The following NSD2 variants were observed in gnomAD, a reference collection of about 807,000 sequenced individuals.
NSD2 encodes nuclear receptor binding SET domain protein 2.
In NSD2, 12 loss-of-function variants were observed where a neutral mutation model predicts 139.0. The ratio of observed to expected loss-of-function variants is 0.09; its 90% CI spans 0.06 to 0.14. The LOEUF is 0.14. Ranked by LOEUF, NSD2 falls within the 10% of genes least tolerant of loss-of-function variation. The pLI is 1.00. For missense variants in NSD2, 1,155 were observed against 1,745.0 expected (o/e 0.66, Z 6.02); for synonymous variants, 669 against 648.7 (o/e 1.03, Z -0.48).
chr4:1,972,271 G>C lies in NSD2; in HGVS notation c.3373-2592G>C, dbSNP rs1726574069. Among the ~76,000 whole-genome samples the C allele has an allele frequency of 6.6e-6, 1 of 152,200 alleles. No homozygotes were observed. The highest frequency in any genetic ancestry group is 2.4e-5 in the African/African-American group (1 of 41,444). ...AGTGTCACTGACGGACACAAGAGAT[G>C]ATATGGATGAGTGGCGGTACAGGCT... On this transcript the variant is annotated intron_variant, in intron 18 of 21. Coordinates refer to ENST00000508803, the MANE Select transcript of NSD2 (RefSeq NM_001042424.3). This position sits in a 1 kb window ranked among gnomAD's most constrained non-coding sequence, Gnocchi z 4.0.
At chr4:1,911,597 AAAAAAAAAAAG>A (rs1303935273) in intron 3 of NSD2, among the ~76,000 whole-genome samples, 30 of 148,206 alleles carry the variant, frequency 2.0e-4, no homozygotes, top group East Asian at 6.0e-4. Context: ...CAAAAAAAAA[AAAAAAAAAAAG>A]AAAAAAAAAA....
At chr4:1,875,531 C>T (rs1403810042) in intron 1 of NSD2, among the ~76,000 whole-genome samples, 5 of 152,056 alleles carry the variant, frequency 3.3e-5, no homozygotes, top group African/African-American at 9.7e-5. Flanking sequence ...CCTCCCACTT[C>T]GGCCTTGTGC....
intron 1 of NSD2, among the ~76,000 whole-genome samples, chr4:1,874,678 G>A (rs1315895003): frequency 6.6e-6 from 1 of 152,136 alleles, no homozygotes; most frequent in East Asian, 1.9e-4. Context: ...AAGTATATAA[G>A]TCCAACAAGT....
chr4:1,880,135 G>A (rs1714594283), intron 1 of NSD2, among the ~76,000 whole-genome samples: 1 of 152,156 alleles, frequency 6.6e-6, no homozygotes. Context: ...GGAGGCTTCT[G>A]TGTTCTTTCC....
chr4:1,899,246 G>A (rs893661097), intron 1 of NSD2: 3 of 152,088 alleles, frequency 2.0e-5, no homozygotes, highest in Admixed American at 6.6e-5. Context: ...TGGAGACTGC[G>A]GGTTGCAGAC....
In NSD2 at chr4:1,939,201, T is replaced by TA. The variant is rs539648507; in HGVS notation, c.1757-440dup. On this transcript the variant is annotated intron_variant, in intron 8 of 21. Transcript: ENST00000508803. ...TTTTAAAAATCAGTTAAACAGACTT[T>TA]AAAAAAAAAAAAAGACATGAGCAAT... is the stretch of plus-strand genomic sequence containing the variant. 8.2e-3 allele frequency: 1,221 copies of TA among 149,064 alleles called. 7 individuals carry two copies. The highest frequency in any genetic ancestry group is 0.016 in the African/African-American group (638 of 39,604). The allele number at this position is 149,064 out of a possible 1,614,324, so 9.2% of individuals were successfully genotyped here. A position where few individuals can be genotyped will look rare whatever the true frequency, so the allele number is the denominator to read the frequency against.
chr4:1,949,679 A>G (rs1724008123), intron 9 of NSD2, among the ~76,000 whole-genome samples: 1 of 151,404 alleles, frequency 6.6e-6, no homozygotes, highest in Non-Finnish European at 1.5e-5. Flanking sequence ...CAGGAGAATC[A>G]CTTGAACCCA....
chr4:1,899,340 G>C (rs1433815349), intron 1 of NSD2: 1 of 152,164 alleles, frequency 6.6e-6, no homozygotes, highest in Non-Finnish European at 1.5e-5. Context: ...CTGTTGCGCG[G>C]GCATCCTGTG....
rs1725101961 is a variant in NSD2 at position 1,958,982 on chromosome 4, A to G, written c.2986-489A>G. On this transcript the variant is annotated intron_variant, in intron 16 of 21. Coordinates refer to ENST00000508803, the MANE Select transcript of NSD2 (RefSeq NM_001042424.3). This position sits in a 1 kb window ranked among gnomAD's most constrained non-coding sequence, Gnocchi z 4.6. ...ACTAATAGTAAACCACAAGGTCATG[A>G]GAGCAGAGGCTATGCCCTCCTGCCT... Among the ~76,000 whole-genome samples, 1 of 152,190 alleles carries G rather than the reference A, an allele frequency of 6.6e-6. No individual in the cohort carries two copies. The highest frequency in any genetic ancestry group is 1.5e-5 in the Non-Finnish European group (1 of 68,032).
At chr4:1,967,706 C>G (rs1408430753) in intron 18 of NSD2, among the ~76,000 whole-genome samples, 1 of 152,196 alleles carries the variant, frequency 6.6e-6, no homozygotes, top group African/African-American at 2.4e-5. Flanking sequence ...AAGCCCATCT[C>G]TGACACAGTC....
chr4:1,903,024 T>C (rs1281173516), intron 2 of NSD2, among the ~76,000 whole-genome samples: 1 of 151,962 alleles, frequency 6.6e-6, no homozygotes, highest in Non-Finnish European at 1.5e-5. Context: ...AAAATAAAAT[T>C]AGCTGGGCGT....
chr4:1,934,675 C>T (rs1722090614), intron 6 of NSD2, among the ~76,000 whole-genome samples: 1 of 147,700 alleles, frequency 6.8e-6, no homozygotes, highest in Non-Finnish European at 1.5e-5. Flanking sequence ...TGGTGAAAAC[C>T]CATCTTTACT....
chr4:1,970,651 G>C (rs936388940), intron 18 of NSD2, among the ~76,000 whole-genome samples: 25 of 152,368 alleles, frequency 1.6e-4, no homozygotes, highest in Admixed American at 1.6e-3. Flanking sequence ...GGGAGCAGAA[G>C]CTGAGGTGTG....
chr4:1,898,686 C>A (rs1245204079), intron 1 of NSD2, among the ~76,000 whole-genome samples: 4 of 146,796 alleles, frequency 2.7e-5, no homozygotes, highest in African/African-American at 1.0e-4. Context: ...AAACAAAAAA[C>A]ACACTTTTTT....
At chr4:1,906,142 T>C (rs1422817773) in intron 3 of NSD2, among the ~76,000 whole-genome samples, 1 of 152,220 alleles carries the variant, frequency 6.6e-6, no homozygotes, top group African/African-American at 2.4e-5. Flanking sequence ...TATTTACTTA[T>C]TTATATGATG....
intron 5 of NSD2, among the ~76,000 whole-genome samples, chr4:1,924,660 C>T (rs1720614644): frequency 6.6e-6 from 1 of 151,982 alleles, no homozygotes; most frequent in East Asian, 1.9e-4. Context: ...CCTGTAATCC[C>T]AGCACCTTGG....
intron 3 of NSD2, among the ~76,000 whole-genome samples, chr4:1,911,492 G>A (rs1274622944): frequency 1.3e-5 from 2 of 150,022 alleles, no homozygotes; most frequent in Non-Finnish European, 3.0e-5. Flanking sequence ...GAAGGCTGAG[G>A]CATGAGAATC....
intron 18 of NSD2, among the ~76,000 whole-genome samples, chr4:1,966,258 G>A (rs1725871778): frequency 6.6e-6 from 1 of 152,242 alleles, no homozygotes; most frequent in African/African-American, 2.4e-5. Flanking sequence ...ACTACAAGTT[G>A]TATGAAGAAG....
At chr4:1,941,923 C>G (rs2108905459) in intron 9 of NSD2, 2 of 1,072,820 alleles carry the variant, frequency 1.9e-6, no homozygotes, top group Middle Eastern at 4.2e-4. Flanking sequence ...TAAAAAACAG[C>G]CTGTTGACTG....
Sources: allele counts gnomAD v4.1 joint callset (sites outside exome capture counted in the v4.1 genomes callset), GRCh38; gene constraint gnomAD v4.1.1; non-coding constraint Gnocchi (gnomAD v3.1); transcripts MANE v1.5; gene names NCBI Gene and HGNC (gene_info 2026-07-23, HGNC 2026-07-21).